The following PVT1 variants were observed in gnomAD, a reference collection of about 807,000 sequenced individuals.
PVT1 encodes the protein Pvt1 oncogene.
At chr8:127,947,305 T>A (rs1224294577) in intron 3 of PVT1, 1 of 213,948 alleles carries the variant, frequency 4.7e-6, no homozygotes, top group Non-Finnish European at 9.5e-6. Flanking sequence ...GGGAAAGAAT[T>A]GGACAGGGAT....
chr8:127,943,724 C>T (rs995083379), intron 3 of PVT1, among the ~76,000 whole-genome samples: 1 of 152,148 alleles, frequency 6.6e-6, no homozygotes, highest in Non-Finnish European at 1.5e-5. Context: ...TTGTTGAGAA[C>T]CACTAATCTA....
chr8:127,932,138 C>T (rs56026723), intron 3 of PVT1, among the ~76,000 whole-genome samples: 4,216 of 152,306 alleles, frequency 0.028, 65 homozygotes, highest in Middle Eastern at 0.078. Flanking sequence ...TGGGGCCTGC[C>T]TCTTTGCTGG....
At chr8:127,838,630 G>A (rs531093052) in intron 2 of PVT1, among the ~76,000 whole-genome samples, 19 of 152,236 alleles carry the variant, frequency 1.2e-4, no homozygotes, top group Middle Eastern at 3.4e-3. Context: ...ACTTGAACTC[G>A]GGAGGTGGAA....
intron 4 of PVT1, among the ~76,000 whole-genome samples, chr8:128,036,197 G>A (rs991234586): frequency 6.6e-6 from 1 of 152,172 alleles, no homozygotes; most frequent in Non-Finnish European, 1.5e-5. Flanking sequence ...CTTTTGCCAT[G>A]TTACTTCTCA....
intron 3 of PVT1, among the ~76,000 whole-genome samples, chr8:127,908,344 C>CT: frequency 7.3e-6 from 1 of 136,626 alleles, no homozygotes; most frequent in South Asian, 2.5e-4. Flanking sequence ...TTTTTTCTTT[C>CT]TTTCTTTTTT....
At chr8:127,798,704 C>CAAAAAAAA (rs71300266) in intron 2 of PVT1, among the ~76,000 whole-genome samples, 29 of 110,432 alleles carry the variant, frequency 2.6e-4, no homozygotes, top group African/African-American at 5.6e-4. Context: ...ACTAAAAATA[C>CAAAAAAAA]AAAAAAAAAA....
intron 4 of PVT1, among the ~76,000 whole-genome samples, chr8:128,069,836 C>T (rs1447571303): frequency 2.6e-5 from 4 of 152,082 alleles, no homozygotes; most frequent in Non-Finnish European, 5.9e-5. Flanking sequence ...GTGTTTTTTT[C>T]TTTCGAATTT....
chr8:127,957,084 A>G (rs1021595920), intron 3 of PVT1, among the ~76,000 whole-genome samples: 3 of 152,030 alleles, frequency 2.0e-5, no homozygotes, highest in Admixed American at 2.0e-4. Context: ...ATTTACCTCT[A>G]CTTTAGCTAC....
At chr8:128,052,327 T>TA (rs1002056624) in intron 4 of PVT1, among the ~76,000 whole-genome samples, 2 of 152,178 alleles carry the variant, frequency 1.3e-5, no homozygotes, top group African/African-American at 4.8e-5. Flanking sequence ...GTTGGGTGCT[T>TA]ACTTCACTCT....
rs144313335 is a variant in PVT1 at position 128,091,270 on chromosome 8, C to T, written n.1115-5248C>T. 1.1e-3 allele frequency among the ~76,000 whole-genome samples: 165 copies of T among 152,250 alleles called. 1 individual carries two copies. The highest frequency in any genetic ancestry group is 3.7e-3 in the African/African-American group (152 of 41,538). On this transcript the variant is annotated intron_variant and non_coding_transcript_variant, in intron 5 of 10. Coordinates refer to ENST00000651587, the Ensembl canonical transcript of PVT1. Reference sequence around the variant, plus strand: ...AGGTTGCCCTGGTGCTCTGCAGTGGCAGGGCTGAGATGATTATACAACCTG... The same window carrying T: ...AGGTTGCCCTGGTGCTCTGCAGTGGTAGGGCTGAGATGATTATACAACCTG...
At chr8:128,016,362 G>A (rs1333457322) in intron 4 of PVT1, among the ~76,000 whole-genome samples, 1 of 152,080 alleles carries the variant, frequency 6.6e-6, no homozygotes, top group Non-Finnish European at 1.5e-5. Flanking sequence ...GGTTGGGTTT[G>A]TGAACCTACC....
chr8:127,933,960 C>T (rs938324110), intron 3 of PVT1, among the ~76,000 whole-genome samples: 7 of 152,178 alleles, frequency 4.6e-5, no homozygotes, highest in African/African-American at 1.4e-4. Context: ...GGGTTCCAGC[C>T]TCACAGCTAA....
At chr8:128,024,260 G>A (rs1021008327) in intron 4 of PVT1, among the ~76,000 whole-genome samples, 3 of 152,182 alleles carry the variant, frequency 2.0e-5, no homozygotes, top group African/African-American at 4.8e-5. Flanking sequence ...AGGGCCCTTG[G>A]TGTGACTTAT....
intron 3 of PVT1, among the ~76,000 whole-genome samples, chr8:127,964,018 C>T (rs141037865): frequency 0.014 from 2,098 of 152,280 alleles, 23 homozygotes; most frequent in Middle Eastern, 0.051. Flanking sequence ...TGTGAGGGAA[C>T]TCACAGCTGG....
At chr8:127,919,849 C>T (rs1816036057) in intron 3 of PVT1, among the ~76,000 whole-genome samples, 1 of 152,234 alleles carries the variant, frequency 6.6e-6, no homozygotes, top group Non-Finnish European at 1.5e-5. Context: ...TTTCCTTCTG[C>T]TCTACATTTT....
chr8:127,806,662 G>A (rs73351177), intron 2 of PVT1, among the ~76,000 whole-genome samples: 15,803 of 152,026 alleles, frequency 0.1, 1,699 homozygotes, highest in African/African-American at 0.27. Context: ...CATTTCCATC[G>A]TTCACCCAGA....
At chr8:127,844,795 G>T (rs1815013203) in intron 2 of PVT1, among the ~76,000 whole-genome samples, 1 of 151,918 alleles carries the variant, frequency 6.6e-6, no homozygotes, top group Admixed American at 6.6e-5. Context: ...CTCACTGCAA[G>T]CTCCGCCTCC....
chr8:127,997,230 G>T (rs183080171), intron 4 of PVT1, among the ~76,000 whole-genome samples: 163 of 151,840 alleles, frequency 1.1e-3, no homozygotes, highest in African/African-American at 3.9e-3. Flanking sequence ...TAGTAGTGAT[G>T]GGGTTTCTCC....
chr8:128,041,201 GTTTGCA>G (rs1813529688), intron 4 of PVT1, among the ~76,000 whole-genome samples: 1 of 73,984 alleles, frequency 1.4e-5, no homozygotes, highest in African/African-American at 3.6e-5. Flanking sequence ...GTGTTCGTGT[GTTTGCA>G]TGTGTGTTTG....
Sources: gnomAD v4.1 joint callset for allele counts (sites outside exome capture counted in the v4.1 genomes callset) on GRCh38, gnomAD v4.1.1 for gene constraint, MANE v1.5 for transcripts, NCBI Gene and HGNC (gene_info 2026-07-23, HGNC 2026-07-21) for gene names.